Variants in SMARCAD1 observed in about 807,000 individuals in gnomAD.
SMARCAD1 encodes the protein SWI/SNF-related matrix-associated actin-dependent regulator of chromatin subfamily A containing DEAD/H box 1.
SMARCAD1 carries 25 observed loss-of-function variants against 127.1 expected under a neutral mutation model. The ratio of observed to expected loss-of-function variants is 0.20; its 90% CI spans 0.14 to 0.27. The LOEUF (loss-of-function observed/expected upper bound fraction) is 0.27, where lower values mean the gene tolerates loss of function less well. Ranked by LOEUF, SMARCAD1 falls within the 10% of genes least tolerant of loss-of-function variation. SMARCAD1 has a pLI of 1.00. For missense variants in SMARCAD1, 807 were observed against 1,206.0 expected, an observed-to-expected ratio of 0.67 and a Z score of 4.90; for synonymous variants, 400 against 396.9, an observed-to-expected ratio of 1.01 and a Z score of -0.09.
intron 9 of SMARCAD1, chr4:94,264,451 T>C: frequency 3.1e-6 from 1 of 325,554 alleles, no homozygotes; most frequent in Non-Finnish European, 5.6e-6. Flanking sequence ...GTAACAAGTT[T>C]GGGATTATGC....
At chr4:94,279,345 G>T (rs1421471735) in intron 19 of SMARCAD1, among the ~76,000 whole-genome samples, 3 of 152,024 alleles carry the variant, frequency 2.0e-5, no homozygotes, top group Non-Finnish European at 4.4e-5. Flanking sequence ...TTGCCATGTT[G>T]CCCAGGCTGG....
chr4:94,234,334 A>G (rs1376593960), intron 4 of SMARCAD1, among the ~76,000 whole-genome samples: 1 of 152,206 alleles, frequency 6.6e-6, no homozygotes, highest in Non-Finnish European at 1.5e-5. Context: ...TAGTGCAGTA[A>G]TTAAAGCCTT....
chr4:94,213,902 A>G (rs561492227), intron 2 of SMARCAD1, among the ~76,000 whole-genome samples: 142 of 152,322 alleles, frequency 9.3e-4, no homozygotes, highest in African/African-American at 3.1e-3. Context: ...GGGACTCATC[A>G]ATGTCCTAAG....
Position 94,274,965 on chromosome 4 carries a change from C to T in SMARCAD1, c.1808C>T (p.Thr603Ile). 2 of 1,592,142 alleles carry T rather than the reference C, an allele frequency of 1.3e-6. No individual in the cohort carries two copies. The highest frequency in any genetic ancestry group is 1.7e-6 in the Non-Finnish European group (2 of 1,161,784). ...GAAGATTACAATGTAATTGTGACCA[C>T]GTAAGTATTGAGAAATTTGGGGAGG... ...RYEDYNVIVT[T>I]YNCAISSSDD... The change falls in exon 14 of 24, where the codon ACA becomes ATA. Residue 603 changes from threonine to isoleucine, a missense_variant and splice_region_variant. By Grantham distance (89) the Thr-to-Ile change is moderately conservative (BLOSUM62 -1). Coordinates refer to ENST00000354268, the MANE Select transcript of SMARCAD1 (RefSeq NM_020159.5).
intron 4 of SMARCAD1, among the ~76,000 whole-genome samples, chr4:94,236,258 G>A (rs1317387050): frequency 6.6e-6 from 1 of 152,078 alleles, no homozygotes; most frequent in Non-Finnish European, 1.5e-5. Flanking sequence ...TTTAAAACAA[G>A]TAACTCATTT....
chr4:94,211,382 G>A (rs1195307210), intron 2 of SMARCAD1, among the ~76,000 whole-genome samples: 1 of 152,208 alleles, frequency 6.6e-6, no homozygotes, highest in African/African-American at 2.4e-5. Flanking sequence ...TTGAGTGTTG[G>A]ATCTCTGGAG....
rs866956773 is a variant in SMARCAD1 at position 94,210,951 on chromosome 4, G to A, written c.190+2367G>A. Among the ~76,000 whole-genome samples the A allele has an allele frequency of 9.3e-3, 689 of 74,138 alleles. 10 individuals carry two copies. Among genetic ancestry groups the A allele is most frequent in the African/African-American group, 0.029 (639 of 21,826 alleles). The allele number at this position is 74,138 out of a possible 152,430, so 48.6% of individuals were successfully genotyped here. On this transcript the variant is annotated intron_variant, in intron 2 of 23. Transcript: ENST00000354268. ...TCTCAAAAAAAAAAAAAAAAAAAAA[G>A]GTAAATGTCTTTAAGAATTCAAATA...
chr4:94,248,025 G>C (rs1408142308), intron 6 of SMARCAD1, among the ~76,000 whole-genome samples: 1 of 152,088 alleles, frequency 6.6e-6, no homozygotes, highest in African/African-American at 2.4e-5. Flanking sequence ...GTGTTCCCCA[G>C]TGTCTGTTGT....
chr4:94,210,057 G>T (rs947803850), intron 2 of SMARCAD1, among the ~76,000 whole-genome samples: 4 of 152,136 alleles, frequency 2.6e-5, no homozygotes, highest in African/African-American at 9.7e-5. Flanking sequence ...TCAGTGGAAT[G>T]TTTTAGTTAT....
intron 6 of SMARCAD1, among the ~76,000 whole-genome samples, chr4:94,248,913 T>G (rs1194687263): frequency 6.6e-6 from 1 of 152,210 alleles, no homozygotes; most frequent in Non-Finnish European, 1.5e-5. Context: ...CTCCATCTTG[T>G]GTGTATAGCA....
intron 23 of SMARCAD1, among the ~76,000 whole-genome samples, chr4:94,285,772 T>C (rs1754855239): frequency 6.6e-6 from 1 of 152,140 alleles, no homozygotes; most frequent in South Asian, 2.1e-4. Flanking sequence ...TAGAGAAAGT[T>C]TGAGTAAGAA....
At chr4:94,240,457 G>A (rs1747406392) in intron 5 of SMARCAD1, among the ~76,000 whole-genome samples, 1 of 152,192 alleles carries the variant, frequency 6.6e-6, no homozygotes, top group Admixed American at 6.5e-5. Context: ...TGTGTGAAAA[G>A]TAAATGAAAC....
chr4:94,230,473 A>G (rs1745670601), intron 3 of SMARCAD1, among the ~76,000 whole-genome samples: 1 of 152,024 alleles, frequency 6.6e-6, no homozygotes, highest in East Asian at 1.9e-4. Flanking sequence ...TTCATTCCCC[A>G]TGTATGGGCA....
chr4:94,221,202 AT>A (rs1560514814), intron 2 of SMARCAD1, among the ~76,000 whole-genome samples: 1 of 152,244 alleles, frequency 6.6e-6, no homozygotes, highest in African/African-American at 2.4e-5. Context: ...GAGAAGATCA[AT>A]GGTGATATTA....
chr4:94,273,695 G>A lies in SMARCAD1; in HGVS notation c.1651G>A (p.Val551Ile), dbSNP rs925841496. The change falls in exon 12 of 24, where the codon GTT becomes ATT. Residue 551 changes from valine (V) to isoleucine (I), a missense_variant. Around this residue, in one of 8 missense-constraint regions of SMARCAD1, gnomAD observed 148 missense variants for 313.2 expected, o/e 0.47. Coordinates refer to ENST00000354268, the MANE Select transcript of SMARCAD1 (RefSeq NM_020159.5). ...QEGNNGPHLI[V>I]VPASTIDNWL... ...GGGTAATAATGGTCCTCATTTGATC[G>A]TTGTTCCAGCTTCAACTATAGGTTT... 22 of 1,613,384 alleles carry A rather than the reference G, an allele frequency of 1.4e-5. No individual in the cohort carries two copies. The highest frequency in any genetic ancestry group is 2.2e-5 in the South Asian group (2 of 91,042).
Position 94,278,694 on chromosome 4 carries a change from G to T in SMARCAD1, c.2257G>T (p.Gly753Cys), listed in dbSNP as rs758897655. ...GGAGAAGCAGGAGCAACTCTATTTG[G>T]GTCTTTTCAACAGATTGAAAAAATC... Reference protein sequence around the residue: ...MSEKQEQLYLGLFNRLKKSIN... With the variant: ...MSEKQEQLYLCLFNRLKKSIN... Residue 753 changes from glycine to cysteine, a missense_variant, in exon 18 of 24, where the codon GGT becomes TGT. Transcript: ENST00000354268. The T allele has an allele frequency of 6.2e-7, 1 of 1,613,684 alleles. No homozygotes were observed. Among genetic ancestry groups the T allele is most frequent in the Non-Finnish European group, 8.5e-7 (1 of 1,179,926 alleles).
chr4:94,246,272 A>G lies in SMARCAD1; in HGVS notation c.706-3382A>G, dbSNP rs182022552. Among the ~76,000 whole-genome samples, 114 of 152,130 alleles carry G rather than the reference A, an allele frequency of 7.5e-4. 1 individual carries two copies. Among genetic ancestry groups the G allele is most frequent in the Middle Eastern group, 6.8e-3 (2 of 294 alleles). On this transcript the variant is annotated intron_variant, in intron 6 of 23. Transcript: ENST00000354268. ...GTAGCTGGGATTACAGGTGCCTGCC[A>G]CCACGCCTGGCTAATTTTTTGTATT...
chr4:94,289,902 ATG>A lies in SMARCAD1; in HGVS notation c.*374_*375del. 1 of 455,898 alleles carries A rather than the reference ATG, an allele frequency of 2.2e-6. No homozygotes were observed. The highest frequency in any genetic ancestry group is 4.4e-6 in the Non-Finnish European group (1 of 228,998). 28.2% of individuals were successfully genotyped at this position (455,898 alleles called of 1,614,324 possible). On this transcript the variant is annotated 3_prime_UTR_variant, in exon 24 of 24. Transcript: ENST00000354268. ...TATATATATTGTCTTTCACTGGATA[ATG>A]TGTGTAGATTTTTACATGTGCCTTA...
At chr4:94,267,891 G>T (rs1197125990) in intron 10 of SMARCAD1, among the ~76,000 whole-genome samples, 2 of 151,926 alleles carry the variant, frequency 1.3e-5, no homozygotes, top group African/African-American at 2.4e-5. Flanking sequence ...AAAATAGATG[G>T]GAAATATGAT....
Sources: allele counts gnomAD v4.1 joint callset (sites outside exome capture counted in the v4.1 genomes callset), GRCh38; gene constraint gnomAD v4.1.1; regional missense constraint gnomAD v4.1.1; transcripts MANE v1.5; gene names NCBI Gene and HGNC (gene_info 2026-07-23, HGNC 2026-07-21).